The following KYNU variants were observed in gnomAD, a reference collection of about 807,000 sequenced individuals.
KYNU encodes kynureninase, also known as L-kynurenine hydrolase.
Under a neutral mutation model 59.2 loss-of-function variants are expected in KYNU, and 54 were observed. That is an observed-to-expected ratio of 0.91 (90% confidence interval 0.73 to 1.14). KYNU has a LOEUF of 1.14. Ranked by LOEUF, KYNU falls within the 50% of genes most tolerant of loss-of-function variation. The pLI is 0.00. For missense variants in KYNU, 567 were observed against 554.4 expected, an observed-to-expected ratio of 1.02 and a Z score of -0.23; for synonymous variants, 177 against 192.0, an observed-to-expected ratio of 0.92 and a Z score of 0.65.
intron 2 of KYNU, among the ~76,000 whole-genome samples, chr2:142,903,858 G>C (rs558427234): frequency 6.6e-6 from 1 of 151,912 alleles, no homozygotes; most frequent in Non-Finnish European, 1.5e-5. Context: ...CTTGTAGATC[G>C]CACTGGAAGC....
intron 12 of KYNU, among the ~76,000 whole-genome samples, chr2:143,034,573 T>A (rs1327751244): frequency 6.6e-6 from 1 of 152,190 alleles, no homozygotes; most frequent in Non-Finnish European, 1.5e-5. Context: ...AACCACTAGA[T>A]GGAGCTTGTG....
chr2:142,974,425 C>T (rs1684827356), intron 8 of KYNU, among the ~76,000 whole-genome samples: 2 of 152,190 alleles, frequency 1.3e-5, no homozygotes. Context: ...TTAAGAAAAA[C>T]AGGAAAGGCA....
chr2:142,972,236 C>T (rs1288200971), intron 8 of KYNU, among the ~76,000 whole-genome samples: 1 of 152,078 alleles, frequency 6.6e-6, no homozygotes, highest in Admixed American at 6.6e-5. Flanking sequence ...GATTATTGTA[C>T]CTGCAAATTA....
At position 143,046,969 on chromosome 2, in the gene KYNU, T is replaced by C. The variant is rs1324072480; in HGVS notation, c.*4797T>C. 1 of 152,198 alleles carries C rather than the reference T, an allele frequency of 6.6e-6. No individual in the cohort carries two copies. The highest frequency in any genetic ancestry group is 1.5e-5 in the Non-Finnish European group (1 of 68,032). The allele number at this position is 152,198 out of a possible 1,614,324, so 9.4% of individuals were successfully genotyped here. ...ATTTATTTATGATTTCTTTAATGCT[T>C]CTCAAAATTTTTTATTTTCTCTATT... is the stretch of plus-strand genomic sequence containing the variant. On this transcript the variant is annotated 3_prime_UTR_variant, in exon 14 of 14. Coordinates refer to ENST00000264170, the MANE Select transcript of KYNU (RefSeq NM_003937.3).
intron 1 of KYNU, among the ~76,000 whole-genome samples, chr2:142,878,208 C>G (rs1210801878): frequency 6.6e-6 from 1 of 152,076 alleles, no homozygotes; most frequent in Non-Finnish European, 1.5e-5. Context: ...GTTTCTTCCC[C>G]TTTCATTTTA....
chr2:142,956,231 G>T lies in KYNU; in HGVS notation c.464G>T (p.Arg155Leu). Residue 155 changes from arginine (R) to leucine (L), a missense_variant, in exon 6 of 14, where the codon CGA (arginine) becomes CTA (leucine). By Grantham distance (102) the Arg-to-Leu change is moderately radical. Transcript: ENST00000264170. ...TCATTTTTTAAGCCTACGCCAAAAC[G>T]ATATAAAATTCTTCTAGAAGCCAAA... is the stretch of plus-strand genomic sequence containing the variant. ...MLSFFKPTPK[R>L]YKILLEAKAF... 6.2e-7 allele frequency: 1 copy of T among 1,603,040 alleles called. No homozygotes were observed. The highest frequency in any genetic ancestry group is 8.5e-7 in the Non-Finnish European group (1 of 1,170,796).
intron 10 of KYNU, among the ~76,000 whole-genome samples, chr2:143,019,516 G>A (rs1686349694): frequency 1.3e-5 from 2 of 152,050 alleles, no homozygotes; most frequent in Admixed American, 1.3e-4. Context: ...ACTTGATCAT[G>A]GTGAATAATC....
At chr2:143,030,850 C>G (rs961034048) in intron 11 of KYNU, among the ~76,000 whole-genome samples, 1 of 152,072 alleles carries the variant, frequency 6.6e-6, no homozygotes, top group African/African-American at 2.4e-5. Context: ...ATAGCTTAGC[C>G]TAGCCTACCT....
chr2:143,031,654 G>A (rs954193638), intron 11 of KYNU, among the ~76,000 whole-genome samples: 2 of 152,098 alleles, frequency 1.3e-5, no homozygotes, highest in African/African-American at 4.8e-5. Flanking sequence ...AGCCCGGGGA[G>A]GTCAAGGCTG....
In KYNU at chr2:142,927,659, A is replaced by T. The variant is rs1459119158; in HGVS notation, c.291A>T (p.Ile97=). ...TGTTTATGTCCGTTTTCAATTTCAGAGCAGCCTATGGTCATGAAGTGGGGA... is the reference window on the plus strand; with the variant it reads ...TGTTTATGTCCGTTTTCAATTTCAGTGCAGCCTATGGTCATGAAGTGGGGA... ...LEEELDKWAK[I]AAYGHEVGKR... The change falls in exon 4 of 14, where the codon ATA becomes ATT. Residue 97 remains isoleucine, a splice_region_variant and synonymous_variant. Coordinates refer to ENST00000264170, the MANE Select transcript of KYNU (RefSeq NM_003937.3). The T allele has an allele frequency of 6.2e-7, 1 of 1,611,710 alleles. No homozygotes were observed. Among genetic ancestry groups the T allele is most frequent in the African/African-American group, 1.3e-5 (1 of 74,860 alleles).
At chr2:142,971,000 C>T (rs1012274028) in intron 8 of KYNU, among the ~76,000 whole-genome samples, 1 of 152,086 alleles carries the variant, frequency 6.6e-6, no homozygotes, top group Non-Finnish European at 1.5e-5. Context: ...ACAACTTGTC[C>T]TAGAGGTTTG....
chr2:142,960,582 A>T, intron 7 of KYNU, 42 bp from the exon 8 acceptor site: 1 of 1,563,854 alleles, frequency 6.4e-7, no homozygotes, highest in South Asian at 1.1e-5. Context: ...TTACAAATTT[A>T]TTATTATCGA....
chr2:142,888,682 T>C (rs1463443725), intron 2 of KYNU, among the ~76,000 whole-genome samples: 2 of 151,870 alleles, frequency 1.3e-5, no homozygotes, highest in Non-Finnish European at 2.9e-5. Context: ...TAGGATAAGA[T>C]GGTATCCTAG....
intron 2 of KYNU, among the ~76,000 whole-genome samples, chr2:142,888,914 A>G (rs751366026): frequency 6.0e-5 from 9 of 150,144 alleles, no homozygotes; most frequent in Non-Finnish European, 1.2e-4. Flanking sequence ...ATGCTCTACC[A>G]TCATGTAGCA....
chr2:142,887,597 A>G (rs1000927849), intron 2 of KYNU, among the ~76,000 whole-genome samples: 1 of 152,236 alleles, frequency 6.6e-6, no homozygotes, highest in African/African-American at 2.4e-5. Context: ...AAAAAGAACC[A>G]TGCTCTACAT....
chr2:142,883,043 C>G (rs1270973329), intron 1 of KYNU, among the ~76,000 whole-genome samples: 3 of 152,102 alleles, frequency 2.0e-5, no homozygotes, highest in Admixed American at 6.5e-5. Flanking sequence ...GAGGTGGTAT[C>G]TCACTGTTTT....
chr2:142,941,512 G>A (rs992237171), intron 4 of KYNU, among the ~76,000 whole-genome samples: 14 of 152,250 alleles, frequency 9.2e-5, no homozygotes, highest in African/African-American at 2.6e-4. Flanking sequence ...CTGAAACTTC[G>A]TAAAGAAAAT....
chr2:143,032,407 C>T (rs1007904822), intron 11 of KYNU, among the ~76,000 whole-genome samples: 2 of 152,186 alleles, frequency 1.3e-5, no homozygotes, highest in African/African-American at 4.8e-5. Context: ...CCATTCACCT[C>T]CCATCAGGTC....
At chr2:142,923,858 C>T (rs989096550) in intron 3 of KYNU, among the ~76,000 whole-genome samples, 23 of 152,234 alleles carry the variant, frequency 1.5e-4, no homozygotes, top group East Asian at 3.9e-4. Context: ...ACAAAAATGT[C>T]CCTTTGAATT....
Sources: allele counts gnomAD v4.1 joint callset (sites outside exome capture counted in the v4.1 genomes callset), GRCh38; gene constraint gnomAD v4.1.1; transcripts MANE v1.5; gene names NCBI Gene and HGNC (gene_info 2026-07-23, HGNC 2026-07-21).